The following CDH13 variants were observed in gnomAD, a reference collection of about 807,000 sequenced individuals.
CDH13 encodes the protein cadherin 13.
CDH13 carries 24 observed loss-of-function variants against 63.8 expected under a neutral mutation model. The ratio of observed to expected loss-of-function variants is 0.38; its 90% CI spans 0.27 to 0.53. The LOEUF (loss-of-function observed/expected upper bound fraction) is 0.53. Ranked by LOEUF, CDH13 falls within the 20% of genes least tolerant of loss-of-function variation. The probability of loss-of-function intolerance (pLI) is 0.85; values close to 1 mark genes in which losing one functional copy is unlikely to be tolerated. For missense variants in CDH13, 1,049 were observed against 903.1 expected (o/e 1.16, Z -2.07); for synonymous variants, 503 against 355.3 (o/e 1.42, Z -4.67).
At chr16:82,997,366 G>C (rs1209990643) in intron 2 of CDH13, among the ~76,000 whole-genome samples, 1 of 152,188 alleles carries the variant, frequency 6.6e-6, no homozygotes, top group Non-Finnish European at 1.5e-5. Flanking sequence ...GCTAGGACTA[G>C]AGTGAGGTGA....
chr16:83,398,428 G>A (rs941585820), intron 6 of CDH13, among the ~76,000 whole-genome samples: 2 of 151,942 alleles, frequency 1.3e-5, no homozygotes, highest in African/African-American at 4.8e-5. Context: ...ATGTCCCTCT[G>A]CCTTTCTGTT....
intron 1 of CDH13, among the ~76,000 whole-genome samples, chr16:82,752,841 A>T (rs1409507600): frequency 1.3e-5 from 2 of 152,248 alleles, no homozygotes; most frequent in Non-Finnish European, 2.9e-5. Flanking sequence ...GACGTATCAT[A>T]GAATGTGGCA....
At chr16:83,281,787 C>T (rs1443083303) in intron 5 of CDH13, among the ~76,000 whole-genome samples, 1 of 151,730 alleles carries the variant, frequency 6.6e-6, no homozygotes, top group Non-Finnish European at 1.5e-5. Flanking sequence ...GTGGCGCGCA[C>T]CTGTAATCCC....
In CDH13 at chr16:82,651,110, G is replaced by T. The variant is rs80327453; in HGVS notation, c.45+23973G>T. ...ATCAGTTTGAAGTTGTCCCTCCTGG[G>T]ATAGAAATTTATCTAATTTTAGTGG... is the stretch of plus-strand genomic sequence containing the variant. On this transcript the variant is annotated intron_variant, in intron 1 of 13. Coordinates refer to ENST00000567109, the MANE Select transcript of CDH13 (RefSeq NM_001257.5). Among the ~76,000 whole-genome samples, 94 of 152,274 alleles carry T rather than the reference G, an allele frequency of 6.2e-4. 2 individuals are homozygous for T. The East Asian group carries it at 0.018, about 29-fold the overall frequency.
intron 3 of CDH13, among the ~76,000 whole-genome samples, chr16:83,101,413 A>C (rs2034472428): frequency 6.7e-6 from 1 of 150,226 alleles, no homozygotes; most frequent in South Asian, 2.1e-4. Flanking sequence ...GTATATATTT[A>C]GTATGTTAGA....
intron 10 of CDH13, among the ~76,000 whole-genome samples, chr16:83,744,029 C>A (rs1039295105): frequency 6.6e-6 from 1 of 152,046 alleles, no homozygotes; most frequent in Non-Finnish European, 1.5e-5. Flanking sequence ...TCTTGGTTAC[C>A]TCAACCTTAA....
intron 1 of CDH13, chr16:82,705,190 A>G (rs1377373850): frequency 2.2e-6 from 1 of 455,884 alleles, no homozygotes; most frequent in Non-Finnish European, 4.4e-6. Context: ...TTCCAGGACT[A>G]TTATTTCATG....
chr16:83,308,314 T>G (rs1040947403), intron 5 of CDH13, among the ~76,000 whole-genome samples: 2 of 152,168 alleles, frequency 1.3e-5, no homozygotes, highest in Non-Finnish European at 2.9e-5. Context: ...GCAAGATGCT[T>G]GAAGGAAAGG....
intron 3 of CDH13, among the ~76,000 whole-genome samples, chr16:83,058,449 CT>C (rs1414379848): frequency 2.0e-5 from 3 of 152,164 alleles, no homozygotes; most frequent in African/African-American, 7.2e-5. Flanking sequence ...TTCATTTCCC[CT>C]TTTCCCAACA....
At chr16:83,197,346 C>G (rs1305944326) in intron 4 of CDH13, among the ~76,000 whole-genome samples, 1 of 151,950 alleles carries the variant, frequency 6.6e-6, no homozygotes, top group African/African-American at 2.4e-5. Flanking sequence ...TCATGGAAAG[C>G]CGGGTATCCA....
At chr16:82,775,667 A>T (rs1456229813) in intron 1 of CDH13, among the ~76,000 whole-genome samples, 1 of 152,192 alleles carries the variant, frequency 6.6e-6, no homozygotes, top group African/African-American at 2.4e-5. Flanking sequence ...TAGAGCAAAA[A>T]GTGAAACCCA....
At chr16:83,277,083 A>G (rs939137552) in intron 5 of CDH13, among the ~76,000 whole-genome samples, 2 of 152,154 alleles carry the variant, frequency 1.3e-5, no homozygotes, top group African/African-American at 4.8e-5. Flanking sequence ...TTGGGTGGCA[A>G]CACAGCCAAA....
At chr16:82,859,611 G>A (rs751135089) in intron 2 of CDH13, 9 of 151,772 alleles carry the variant, frequency 5.9e-5, no homozygotes, top group East Asian at 1.9e-4. Context: ...CTGATCATAC[G>A]CTCCAAGGTC....
At chr16:83,491,628 A>G (rs1468099799) in intron 7 of CDH13, among the ~76,000 whole-genome samples, 1 of 151,904 alleles carries the variant, frequency 6.6e-6, no homozygotes, top group Non-Finnish European at 1.5e-5. Context: ...TAAAAAAGCA[A>G]TCTTAACATT....
intron 10 of CDH13, among the ~76,000 whole-genome samples, chr16:83,738,016 C>T (rs141771150): frequency 3.9e-5 from 6 of 152,304 alleles, no homozygotes; most frequent in Admixed American, 2.6e-4. Flanking sequence ...ACGCCACCTC[C>T]TCAGTGATCA....
At chr16:83,514,813 T>C (rs1304848142) in intron 7 of CDH13, among the ~76,000 whole-genome samples, 1 of 152,160 alleles carries the variant, frequency 6.6e-6, no homozygotes, top group African/African-American at 2.4e-5. Context: ...GGAACAGATG[T>C]TCCCTCAGAA....
At chr16:83,464,493 C>T (rs191827524) in intron 6 of CDH13, among the ~76,000 whole-genome samples, 160 of 152,272 alleles carry the variant, frequency 1.1e-3, no homozygotes, top group African/African-American at 3.6e-3. Context: ...GCCTGGGCAA[C>T]GAGAGTGAAA....
At chr16:83,312,110 C>G (rs900853584) in intron 5 of CDH13, among the ~76,000 whole-genome samples, 1 of 151,192 alleles carries the variant, frequency 6.6e-6, no homozygotes, top group African/African-American at 2.4e-5. Flanking sequence ...CAGTGTGCCT[C>G]CACTTTTTTG....
At chr16:82,707,484 T>G (rs2031584614) in intron 1 of CDH13, among the ~76,000 whole-genome samples, 1 of 152,172 alleles carries the variant, frequency 6.6e-6, no homozygotes, top group South Asian at 2.1e-4. Flanking sequence ...GCAGGGCCTT[T>G]GCACTGGGCT....
Sources: gnomAD v4.1 joint callset for allele counts (sites outside exome capture counted in the v4.1 genomes callset) on GRCh38, gnomAD v4.1.1 for gene constraint, MANE v1.5 for transcripts, NCBI Gene and HGNC (gene_info 2026-07-23, HGNC 2026-07-21) for gene names.